PCBD2: variants seen among roughly 807,000 people sequenced by gnomAD.
PCBD2 encodes the protein pterin-4-alpha-carbinolamine dehydratase 2.
PCBD2 carries 12 observed loss-of-function variants against 16.4 expected under a neutral mutation model. That is an observed-to-expected ratio of 0.73 (90% CI 0.47 to 1.19). The LOEUF (loss-of-function observed/expected upper bound fraction) is 1.19. Among genes scored for constraint, PCBD2 ranks in the 50% most tolerant of loss-of-function variants. PCBD2 has a pLI of 0.00. For missense variants in PCBD2, 138 were observed against 156.8 expected (o/e 0.88, Z 0.64); for synonymous variants, 58 against 61.8 (o/e 0.94, Z 0.29).
intron 2 of PCBD2, among the ~76,000 whole-genome samples, chr5:134,952,155 CTTT>C (rs58638262): frequency 1.5e-5 from 2 of 133,540 alleles, no homozygotes; most frequent in African/African-American, 2.7e-5. Flanking sequence ...AAGCTGTTGA[CTTT>C]TTTTTTTTTT....
chr5:134,927,374 G>A (rs138353851), intron 2 of PCBD2: 2 of 398,232 alleles, frequency 5.0e-6, no homozygotes, highest in African/African-American at 4.1e-5. Flanking sequence ...TGGGGGCTTC[G>A]ACATGGGCTT....
At chr5:134,921,012 C>T (rs556711664) in intron 2 of PCBD2, among the ~76,000 whole-genome samples, 15 of 152,352 alleles carry the variant, frequency 9.8e-5, no homozygotes, top group East Asian at 3.9e-4. Flanking sequence ...GCCCTGTCCT[C>T]GCCATCGCAG....
chr5:134,924,665 G>A (rs1750962066), intron 2 of PCBD2: 1 of 396,804 alleles, frequency 2.5e-6, no homozygotes, highest in South Asian at 1.3e-4. Flanking sequence ...ATTAGGAGTA[G>A]GGTTAGGATG....
In PCBD2 at chr5:134,959,065, C is replaced by T. The variant is rs763152332; in HGVS notation, c.242C>T (p.Ala81Val). 17 of 1,613,726 alleles carry T rather than the reference C, an allele frequency of 1.1e-5. No homozygotes were observed. Among genetic ancestry groups the T allele is most frequent in the Non-Finnish European group, 1.3e-5 (15 of 1,179,860 alleles). ...NQAFGFMSRV[A>V]LQAEKMNHHP... Reference sequence around the variant, plus strand: ...GCATTTGGCTTTATGTCCCGAGTTGCCCTACAAGCAGAGAAGATGAATCAT... The same window carrying T: ...GCATTTGGCTTTATGTCCCGAGTTGTCCTACAAGCAGAGAAGATGAATCAT... Residue 81 changes from alanine to valine, a missense_variant, in exon 3 of 4, where the codon GCC (alanine) becomes GTC (valine). By Grantham distance (64) the Ala-to-Val change is moderately conservative. Transcript: ENST00000254908.
intron 2 of PCBD2, among the ~76,000 whole-genome samples, chr5:134,956,659 T>C (rs1751418582): frequency 6.6e-6 from 1 of 152,194 alleles, no homozygotes; most frequent in South Asian, 2.1e-4. Flanking sequence ...CAATGTATTA[T>C]CTGTTCGTTT....
intron 2 of PCBD2, among the ~76,000 whole-genome samples, chr5:134,922,384 T>C (rs897053423): frequency 1.3e-5 from 2 of 152,040 alleles, no homozygotes; most frequent in African/African-American, 4.8e-5. Context: ...CAAACTGTTC[T>C]TCTCCTTTCC....
intron 2 of PCBD2, among the ~76,000 whole-genome samples, chr5:134,912,270 G>A (rs1027386433): frequency 1.3e-5 from 2 of 152,220 alleles, no homozygotes; most frequent in African/African-American, 4.8e-5. Context: ...CCGGGGGTCA[G>A]TTTTCCCACT....
chr5:134,935,757 A>G (rs1291286642), intron 2 of PCBD2, among the ~76,000 whole-genome samples: 6 of 152,252 alleles, frequency 3.9e-5, no homozygotes, highest in African/African-American at 1.4e-4. Context: ...AGAAATAAGC[A>G]AAGTCTGTTT....
chr5:134,918,975 G>T (rs1051708147), intron 2 of PCBD2, among the ~76,000 whole-genome samples: 1 of 152,218 alleles, frequency 6.6e-6, no homozygotes, highest in Non-Finnish European at 1.5e-5. Flanking sequence ...GCATGCAACA[G>T]ATAGATGAGG....
chr5:134,914,159 G>T (rs113037095), intron 2 of PCBD2, among the ~76,000 whole-genome samples: 2 of 152,238 alleles, frequency 1.3e-5, no homozygotes, highest in African/African-American at 4.8e-5. Flanking sequence ...GAGGCACAGC[G>T]ATGATATGTC....
At chr5:134,927,587 T>C in intron 2 of PCBD2, 1 of 396,618 alleles carries the variant, frequency 2.5e-6, no homozygotes, top group Admixed American at 4.4e-5. Context: ...GGGTGTAGAA[T>C]AGGAAGTATG....
intron 2 of PCBD2, among the ~76,000 whole-genome samples, chr5:134,913,350 C>T (rs1410829051): frequency 6.6e-6 from 1 of 152,152 alleles, no homozygotes; most frequent in Non-Finnish European, 1.5e-5. Flanking sequence ...GGGAGGGGAT[C>T]TCTGAGGCCT....
At chr5:134,946,815 T>C (rs1223545756) in intron 2 of PCBD2, among the ~76,000 whole-genome samples, 2 of 152,210 alleles carry the variant, frequency 1.3e-5, no homozygotes, top group South Asian at 2.1e-4. Context: ...CCCAGAGCAC[T>C]TGTTCTCTTC....
chr5:134,912,692 A>G (rs573278057), intron 2 of PCBD2, among the ~76,000 whole-genome samples: 2 of 152,280 alleles, frequency 1.3e-5, no homozygotes, highest in African/African-American at 4.8e-5. Context: ...GTGTTCAGGT[A>G]TTGCAGAGTG....
intron 2 of PCBD2, among the ~76,000 whole-genome samples, chr5:134,950,404 A>G (rs1030919485): frequency 6.6e-6 from 1 of 152,248 alleles, no homozygotes; most frequent in African/African-American, 2.4e-5. Context: ...AGTATGTGCT[A>G]GAAGTCTTAG....
At chr5:134,925,527 T>C (rs879079916) in intron 2 of PCBD2, 1 of 398,354 alleles carries the variant, frequency 2.5e-6, no homozygotes, top group Admixed American at 4.4e-5. Context: ...CTATTATAAG[T>C]CCTAGTTGGC....
intron 2 of PCBD2, among the ~76,000 whole-genome samples, chr5:134,929,119 A>G (rs187767256): frequency 2.6e-5 from 4 of 152,250 alleles, no homozygotes; most frequent in Admixed American, 1.3e-4. Context: ...AGAAGAGAGG[A>G]TGGCTCAGGA....
intron 2 of PCBD2, chr5:134,925,378 C>A: frequency 2.5e-6 from 1 of 398,330 alleles, no homozygotes; most frequent in South Asian, 1.3e-4. Flanking sequence ...TTTGAGTAGT[C>A]CTCCTATTTT....
At chr5:134,933,326 T>G (rs1017018606) in intron 2 of PCBD2, among the ~76,000 whole-genome samples, 4 of 152,156 alleles carry the variant, frequency 2.6e-5, no homozygotes, top group African/African-American at 9.7e-5. Flanking sequence ...GCCTCTATCT[T>G]CTGGGCTCAG....
Sources: gnomAD v4.1 joint callset for allele counts (sites outside exome capture counted in the v4.1 genomes callset) on GRCh38, gnomAD v4.1.1 for gene constraint, MANE v1.5 for transcripts, NCBI Gene and HGNC (gene_info 2026-07-23, HGNC 2026-07-21) for gene names.